The following OR2L13 variants were observed in gnomAD, a reference collection of about 807,000 sequenced individuals.
OR2L13 encodes the protein olfactory receptor family 2 subfamily L member 13.
Under a neutral mutation model 15.3 loss-of-function variants are expected in OR2L13, and 14 were observed. The observed-to-expected ratio is 0.91, with a 90% confidence interval of 0.60 to 1.43. OR2L13 has a LOEUF of 1.43. Ranked by LOEUF, OR2L13 falls within the 40% of genes most tolerant of loss-of-function variation. The probability of loss-of-function intolerance (pLI) is 0.00; values close to 1 mark genes in which losing one functional copy is unlikely to be tolerated. For missense variants in OR2L13, 367 were observed against 387.9 expected, an observed-to-expected ratio of 0.95 and a Z score of 0.45; for synonymous variants, 152 against 142.9, an observed-to-expected ratio of 1.06 and a Z score of -0.45.
chr1:247,962,542 C>T, the OR2L13 span, among the ~76,000 whole-genome samples: 3 of 152,270 alleles, frequency 2.0e-5, no homozygotes, highest in South Asian at 6.2e-4. Flanking sequence ...AATGGTTTAT[C>T]CCTATTTGCC....
the OR2L13 span, chr1:247,949,547 A>G: frequency 1.4e-5 from 23 of 1,614,094 alleles, no homozygotes; most frequent in Non-Finnish European, 1.9e-5. Flanking sequence ...TGAAATCTGC[A>G]GAAGGGAGGA....
the OR2L13 span, among the ~76,000 whole-genome samples, chr1:247,986,719 C>T: frequency 2.0e-5 from 3 of 152,060 alleles, no homozygotes; most frequent in South Asian, 2.1e-4. Flanking sequence ...GCCATTTTCA[C>T]GATATTGATT....
the OR2L13 span, chr1:248,022,884 T>G: frequency 6.2e-7 from 1 of 1,601,982 alleles, no homozygotes; most frequent in Non-Finnish European, 8.5e-7. Context: ...GGTGAAAATG[T>G]AGACATACGT....
the OR2L13 span, among the ~76,000 whole-genome samples, chr1:247,953,189 A>G: frequency 0.84 from 127,212 of 152,156 alleles, 56,858 homozygotes; most frequent in Non-Finnish European, 0.98. Flanking sequence ...ATTCCTCTTG[A>G]TGGGGAAATT....
chr1:248,026,232 T>A, the OR2L13 span, among the ~76,000 whole-genome samples: 3 of 152,236 alleles, frequency 2.0e-5, no homozygotes, highest in Admixed American at 6.5e-5. Context: ...ACAACAGTGA[T>A]GAATGCCTGA....
chr1:248,022,840 G>A, the OR2L13 span: 1 of 1,613,246 alleles, frequency 6.2e-7, no homozygotes, highest in Non-Finnish European at 8.5e-7. Context: ...GAGGTGATGG[G>A]GGCCCTGACA....
At chr1:247,957,909 A>AT in the OR2L13 span, among the ~76,000 whole-genome samples, 3 of 151,916 alleles carry the variant, frequency 2.0e-5, no homozygotes, top group South Asian at 2.1e-4. Context: ...GGATTCATTG[A>AT]TTTTTTGAAG....
chr1:248,028,539 T>A, the OR2L13 span, among the ~76,000 whole-genome samples: 1 of 152,228 alleles, frequency 6.6e-6, no homozygotes. Flanking sequence ...AATACAGACA[T>A]GGAAAAATGT....
At chr1:248,084,413 C>T in the OR2L13 span, 1 of 1,611,022 alleles carries the variant, frequency 6.2e-7, no homozygotes, top group South Asian at 1.1e-5. Flanking sequence ...AGAGTTGGCT[C>T]AGGAGGAAGT....
chr1:247,980,398 T>C, the OR2L13 span, among the ~76,000 whole-genome samples: 1 of 152,190 alleles, frequency 6.6e-6, no homozygotes, highest in African/African-American at 2.4e-5. Context: ...TAAAACTTAC[T>C]GCCAGTATAA....
chr1:247,989,897 A>G, the OR2L13 span, among the ~76,000 whole-genome samples: 1 of 152,046 alleles, frequency 6.6e-6, no homozygotes, highest in Non-Finnish European at 1.5e-5. Context: ...CCCTCACTTT[A>G]TCTCATCACG....
At chr1:248,003,544 A>G in the OR2L13 span, 1 of 1,612,538 alleles carries the variant, frequency 6.2e-7, no homozygotes, top group South Asian at 1.1e-5. Flanking sequence ...TGAGCAAAAG[A>G]GTGTGTGTGC....
chr1:248,045,350 T>G, the OR2L13 span, among the ~76,000 whole-genome samples: 1 of 152,182 alleles, frequency 6.6e-6, no homozygotes, highest in Non-Finnish European at 1.5e-5. Context: ...CAATTACTGC[T>G]TCCAGAACAC....
chr1:248,094,364 C>T (rs901722848), upstream of OR2L13, among the ~76,000 whole-genome samples: 3 of 151,990 alleles, frequency 2.0e-5, no homozygotes, highest in Non-Finnish European at 2.9e-5. Context: ...TCTAGTTAAC[C>T]AATGTATGGA....
chr1:247,949,931 A>G, the OR2L13 span: 3 of 585,148 alleles, frequency 5.1e-6, no homozygotes, highest in African/African-American at 3.7e-5. Context: ...TGATATATGG[A>G]CAAAATTGTT....
At chr1:247,986,628 G>GT in the OR2L13 span, among the ~76,000 whole-genome samples, 1 of 152,170 alleles carries the variant, frequency 6.6e-6, no homozygotes, top group Non-Finnish European at 1.5e-5. Flanking sequence ...CTTTAAAGTA[G>GT]TTTTTTCCAA....
chr1:247,983,606 T>C, the OR2L13 span, among the ~76,000 whole-genome samples: 134 of 152,294 alleles, frequency 8.8e-4, no homozygotes, highest in African/African-American at 3.2e-3. Context: ...TAGACAGATA[T>C]ATAATGGCTG....
chr1:248,047,244 T>G, the OR2L13 span, among the ~76,000 whole-genome samples: 1 of 152,148 alleles, frequency 6.6e-6, no homozygotes, highest in Admixed American at 6.5e-5. Flanking sequence ...GCTGGTGTTT[T>G]GTGCTATTTT....
chr1:248,016,371 T>C, the OR2L13 span, among the ~76,000 whole-genome samples: 1 of 152,148 alleles, frequency 6.6e-6, no homozygotes, highest in Non-Finnish European at 1.5e-5. Flanking sequence ...ATGGTGGAAA[T>C]TGTATTTCTT....
Sources: allele counts gnomAD v4.1 joint callset (sites outside exome capture counted in the v4.1 genomes callset), GRCh38; gene constraint gnomAD v4.1.1; transcripts MANE v1.5; gene names NCBI Gene and HGNC (gene_info 2026-07-23, HGNC 2026-07-21).